Variants in TBX22 observed in about 807,000 individuals in gnomAD.
TBX22 encodes the protein T-box transcription factor 22.
Under a neutral mutation model 30.1 loss-of-function variants are expected in TBX22, and 8 were observed. The observed-to-expected ratio is 0.27, with a 90% confidence interval of 0.16 to 0.48. The LOEUF is 0.48. Among genes scored for constraint, TBX22 ranks in the 20% least tolerant of loss-of-function variants. The probability of loss-of-function intolerance (pLI) is 0.99; values close to 1 mark genes in which losing one functional copy is unlikely to be tolerated. For synonymous variants in TBX22, 173 were observed against 149.1 expected, an observed-to-expected ratio of 1.16 and a Z score of -1.17; for missense variants, 463 against 400.5, an observed-to-expected ratio of 1.16 and a Z score of -1.33.
intron 8 of TBX22, 42 bp from the exon 9 acceptor site, chrX:80,030,456 A>G (rs1471921095): frequency 8.3e-7 from 1 of 1,204,509 alleles, no homozygotes; most frequent in Non-Finnish European, 1.1e-6. Flanking sequence ...AGGAACATCA[A>G]ATGTCAAGTT....
At chrX:80,028,137 A>T in intron 8 of TBX22, 61 bp downstream of exon 8, 1 of 996,254 alleles carries the variant, frequency 1.0e-6, no homozygotes, top group Non-Finnish European at 1.4e-6. Context: ...AACATCCGGA[A>T]CCCTTGTACC....
At position 80,024,782 on chromosome X, in the gene TBX22, C is replaced by T. The variant is rs1923893163; in HGVS notation, c.458+618C>T. On this transcript the variant is annotated intron_variant, in intron 4 of 8. Coordinates refer to ENST00000373296, the MANE Select transcript of TBX22 (RefSeq NM_001109878.2). ...CAACCTACAGCAGGCTGAAAGTGGCCCAACTGTTTTAAAGCCAAAAAGCCC... is the reference window on the plus strand; with the variant it reads ...CAACCTACAGCAGGCTGAAAGTGGCTCAACTGTTTTAAAGCCAAAAAGCCC... Among the ~76,000 whole-genome samples, 3 of 111,601 alleles carry T rather than the reference C, an allele frequency of 2.7e-5. No individual in the cohort carries two copies. In the South Asian group the frequency reaches 1.1e-3, roughly 42 times the overall value.
chrX:80,027,160 A>G, intron 6 of TBX22, 96 bp from the exon 7 acceptor site: 1 of 543,997 alleles, frequency 1.8e-6, no homozygotes, highest in Non-Finnish European at 3.2e-6. Context: ...ACGTGTTTCA[A>G]CATCTCTTCT....
chrX:80,020,298 T>C (rs1319092196), intron 1 of TBX22, among the ~76,000 whole-genome samples: 1 of 108,786 alleles, frequency 9.2e-6, no homozygotes, highest in Non-Finnish European at 1.9e-5. Flanking sequence ...ATTAGATAGA[T>C]AGATAGATAG....
At chrX:80,025,016 A>G (rs1159186082) in intron 4 of TBX22, among the ~76,000 whole-genome samples, 2 of 112,094 alleles carry the variant, frequency 1.8e-5, no homozygotes, top group African/African-American at 3.2e-5. Flanking sequence ...GGCTCTGCTC[A>G]GAGGACTGCT....
intron 1 of TBX22, among the ~76,000 whole-genome samples, chrX:80,019,102 CTT>C (rs1341059566): frequency 1.8e-5 from 2 of 111,846 alleles, no homozygotes; most frequent in Admixed American, 1.9e-4. Context: ...TGTCAAGACT[CTT>C]TTGTCTACAA....
chrX:80,022,147 T>C lies in TBX22; in HGVS notation c.-2-121T>C. The C allele has an allele frequency of 4.4e-6, 3 of 684,015 alleles. No individual in the cohort carries two copies. In the South Asian group the frequency reaches 7.7e-5, roughly 18 times the overall value. The allele number at this position is 684,015 out of a possible 1,213,427, so 56.4% of individuals were successfully genotyped here. A position where few individuals can be genotyped will look rare whatever the true frequency, so the allele number is the denominator to read the frequency against. ...GTTTGGGGTTTTGTTTTGTTTTGTT[T>C]TGTTTTTCCCGCTTTCCCTCCTTCC... On this transcript the variant is annotated intron_variant, in intron 1 of 8. Coordinates refer to ENST00000373296, the MANE Select transcript of TBX22 (RefSeq NM_001109878.2).
rs1487737018 is a variant in TBX22, at chrX:80,023,135, C to G, written c.251C>G (p.Ser84Cys). 3 of 1,211,604 alleles carry G rather than the reference C, an allele frequency of 2.5e-6. No homozygotes were observed. The South Asian group carries it at 5.3e-5, about 21-fold the overall frequency. ...CGSDSGYGNS[S>C]ESLEEKDIQM... Reference sequence around the variant, plus strand: ...AGCGACAGCGGCTACGGCAACAGCTCTGAAAGTCTGGAAGAGAAAGATATT... The same window carrying G: ...AGCGACAGCGGCTACGGCAACAGCTGTGAAAGTCTGGAAGAGAAAGATATT... Residue 84 changes from serine (S) to cysteine (C), a missense_variant, in exon 3 of 9, where the codon TCT becomes TGT. By Grantham distance (112) the Ser-to-Cys change is moderately radical. Transcript: ENST00000373296.
At position 80,030,691 on chromosome X, in the gene TBX22, G is replaced by A. The variant is rs1014775367; in HGVS notation, c.1143G>A (p.Trp381Ter). The change falls in exon 9 of 9, where the codon TGG becomes TGA. Residue 381 changes from tryptophan (W) to a stop codon, truncating the protein, a stop_gained. Transcript: ENST00000373296. LOFTEE classifies it high-confidence loss of function. ...ACAAGATTTGTCCAACTAATTTTTG[G>A]CAACAGCAACCTCTTGTTTTACCGG... ...LCYKICPTNF[W>*]QQQPLVLPAP... 2.5e-6 allele frequency: 3 copies of A among 1,211,447 alleles called. No homozygotes were observed. Among genetic ancestry groups the A allele is most frequent in the Non-Finnish European group, 2.2e-6 (2 of 895,378 alleles).
At position 80,025,658 on chromosome X, in the gene TBX22, A is replaced by C. The variant is rs963408036; in HGVS notation, c.514A>C (p.Ile172Leu). 3.3e-6 allele frequency: 4 copies of C among 1,207,382 alleles called. No individual in the cohort carries two copies. Among genetic ancestry groups the C allele is most frequent in the Non-Finnish European group, 4.5e-6 (4 of 892,978 alleles). ...MVAGNTDHLC[I>L]IPRFYVHPDS... ...AGCTGGGAATACAGACCATTTGTGC[A>C]TCATTCCTAGATTCTATGTTCACCC... The change falls in exon 5 of 9, where the codon ATC (isoleucine) becomes CTC (leucine). Residue 172 changes from isoleucine (I) to leucine (L), a missense_variant. Physicochemically the swap from Ile to Leu is conservative, Grantham distance 5. Transcript: ENST00000373296.
intron 6 of TBX22, 32 bp from the exon 7 acceptor site, chrX:80,027,224 A>T: frequency 1.2e-6 from 1 of 811,850 alleles, no homozygotes; most frequent in Non-Finnish European, 1.9e-6. Context: ...GAAAGCAATG[A>T]CTTTATCTTT....
chrX:80,023,009 T>C, intron 2 of TBX22, 51 bp from the exon 3 acceptor site: 1 of 1,153,484 alleles, frequency 8.7e-7, no homozygotes, highest in Non-Finnish European at 1.2e-6. Flanking sequence ...GAAGTGGGCA[T>C]GTGAACTGTG....
intron 8 of TBX22, 121 bp downstream of exon 8, chrX:80,028,197 G>A (rs1354418466): frequency 3.5e-6 from 2 of 573,822 alleles, no homozygotes; most frequent in East Asian, 3.6e-5. Flanking sequence ...GTACTTATGG[G>A]TAACTGCGTG....
chrX:80,028,700 ATAGT>A (rs749426802), intron 8 of TBX22, among the ~76,000 whole-genome samples: 1 of 112,052 alleles, frequency 8.9e-6, no homozygotes, highest in African/African-American at 3.2e-5. Context: ...ATTTGCTCTG[ATAGT>A]TAATAATAAA....
chrX:80,028,278 T>C (rs1275087249), intron 8 of TBX22, among the ~76,000 whole-genome samples: 3 of 111,930 alleles, frequency 2.7e-5, no homozygotes, highest in Admixed American at 9.5e-5. Flanking sequence ...AGAATAGAAA[T>C]GTGATAATTG....
chrX:80,020,224 GT>G, intron 1 of TBX22, among the ~76,000 whole-genome samples: 1 of 110,775 alleles, frequency 9.0e-6, no homozygotes. Flanking sequence ...CGACTTTTCT[GT>G]TTTTTAGTTG....
At chrX:80,017,693 T>C (rs954594500) in intron 1 of TBX22, among the ~76,000 whole-genome samples, 1 of 111,482 alleles carries the variant, frequency 9.0e-6, no homozygotes, top group African/African-American at 3.3e-5. Context: ...ATTAGCCACG[T>C]ACAAAATTGT....
At chrX:80,018,764 A>G (rs1177645161) in intron 1 of TBX22, among the ~76,000 whole-genome samples, 1 of 111,908 alleles carries the variant, frequency 8.9e-6, no homozygotes, top group Non-Finnish European at 1.9e-5. Flanking sequence ...CTATGATAGG[A>G]GTGTTAGAAA....
rs371995128 is a variant in TBX22 at position 80,026,579 on chromosome X, C to T, written c.634-125C>T. The T allele has an allele frequency of 8.9e-4, 669 of 748,353 alleles. 1 individual carries two copies. The highest frequency in any genetic ancestry group is 1.3e-3 in the Non-Finnish European group (617 of 488,373). 61.7% of individuals were successfully genotyped at this position (748,353 alleles called of 1,213,427 possible). Reference sequence around the variant, plus strand: ...CTCTGTTGGAGGCCAAATGGCACAACAAAGTAGTTACCTAAGCTTCATCAT... The same window carrying T: ...CTCTGTTGGAGGCCAAATGGCACAATAAAGTAGTTACCTAAGCTTCATCAT... On this transcript the variant is annotated intron_variant, in intron 5 of 8. Transcript: ENST00000373296.
Sources: gnomAD v4.1 joint callset for allele counts (sites outside exome capture counted in the v4.1 genomes callset) on GRCh38, gnomAD v4.1.1 for gene constraint, MANE v1.5 for transcripts, NCBI Gene and HGNC (gene_info 2026-07-23, HGNC 2026-07-21) for gene names.